Variants in SCARA3 observed in about 807,000 individuals in gnomAD.
The protein encoded by SCARA3 is cellular stress response gene protein.
Under a neutral mutation model 47.0 loss-of-function variants are expected in SCARA3, and 39 were observed. The observed-to-expected ratio is 0.83, with a 90% CI of 0.64 to 1.08. The LOEUF (loss-of-function observed/expected upper bound fraction) is 1.08, where lower values mean the gene tolerates loss of function less well. Ranked by LOEUF, SCARA3 falls within the 50% of genes least tolerant of loss-of-function variation. The pLI is 0.00. For missense variants in SCARA3, 724 were observed against 792.3 expected, an observed-to-expected ratio of 0.91 and a Z score of 1.04; for synonymous variants, 356 against 334.1, an observed-to-expected ratio of 1.07 and a Z score of -0.71.
At chr8:27,692,154 C>G in the SCARA3 span, among the ~76,000 whole-genome samples, 10 of 152,242 alleles carry the variant, frequency 6.6e-5, no homozygotes, top group South Asian at 2.1e-3. Context: ...TAGAACAGGC[C>G]ATGTAAGGTG....
chr8:27,649,515 A>G (rs1801584598), intron 1 of SCARA3, among the ~76,000 whole-genome samples, 187 bp from the exon 2 acceptor site: 1 of 152,212 alleles, frequency 6.6e-6, no homozygotes. Flanking sequence ...GGGGTGGGAC[A>G]TCCCAGCTCC....
intron 1 of SCARA3, among the ~76,000 whole-genome samples, chr8:27,649,346 T>C (rs1026105196): frequency 1.3e-5 from 2 of 152,174 alleles, no homozygotes; most frequent in East Asian, 1.9e-4. Flanking sequence ...TGACCAAGTA[T>C]TGGGGAATAG....
chr8:27,723,106 T>A, the SCARA3 span, among the ~76,000 whole-genome samples: 2 of 152,182 alleles, frequency 1.3e-5, no homozygotes, highest in Non-Finnish European at 2.9e-5. Context: ...CTTGGACAGA[T>A]CCCCAATCAC....
intron 3 of SCARA3, among the ~76,000 whole-genome samples, chr8:27,656,114 T>A (rs958842578): frequency 6.6e-6 from 1 of 152,170 alleles, no homozygotes; most frequent in Non-Finnish European, 1.5e-5. Flanking sequence ...TGGTGTCATC[T>A]CATGTCAGCA....
chr8:27,717,291 T>C, the SCARA3 span, among the ~76,000 whole-genome samples: 3 of 152,188 alleles, frequency 2.0e-5, no homozygotes, highest in African/African-American at 7.2e-5. Flanking sequence ...GATGTGGGTA[T>C]AGCTATAGAT....
the SCARA3 span, among the ~76,000 whole-genome samples, chr8:27,696,701 G>T: frequency 2.0e-5 from 3 of 149,340 alleles, no homozygotes; most frequent in African/African-American, 7.4e-5. Flanking sequence ...TTGTCCTCAA[G>T]TGATCCTCCT....
chr8:27,712,840 T>C, the SCARA3 span, among the ~76,000 whole-genome samples: 1 of 152,018 alleles, frequency 6.6e-6, no homozygotes, highest in African/African-American at 2.4e-5. Context: ...TATAAAAATA[T>C]ACATTTTAAA....
At position 27,671,717 on chromosome 8, in the gene SCARA3, TACACATGCACAC is replaced by T. The variant is rs1394822826; in HGVS notation, c.*380_*391del. ...ACACAGGCACACATGCATGCACACA[TACACATGCACAC>T]ACACATGCACACATATATGCACAGG... On this transcript the variant is annotated 3_prime_UTR_variant, in exon 6 of 6. Coordinates refer to ENST00000301904, the MANE Select transcript of SCARA3 (RefSeq NM_016240.3). 5.7e-5 allele frequency: 59 copies of T among 1,038,566 alleles called. No individual in the cohort carries two copies. The highest frequency in any genetic ancestry group is 5.1e-4 in the South Asian group (11 of 21,730). The allele number at this position is 1,038,566 out of a possible 1,614,324, so 64.3% of individuals were successfully genotyped here. A position where few individuals can be genotyped will look rare whatever the true frequency, so the allele number is the denominator to read the frequency against.
chr8:27,697,836 G>A, the SCARA3 span, among the ~76,000 whole-genome samples: 2 of 152,016 alleles, frequency 1.3e-5, no homozygotes, highest in Admixed American at 6.6e-5. Context: ...TTTGCTACTC[G>A]TTTGCCTTCC....
rs1378249846 is a variant in SCARA3, at chr8:27,672,816, G to C, written c.*1465G>C. ...CACCACCCCCTCCACCGCCCGCAAGGTTAGGGCATAGAGTTGTCTCCTTCC... is the reference window on the plus strand; with the variant it reads ...CACCACCCCCTCCACCGCCCGCAAGCTTAGGGCATAGAGTTGTCTCCTTCC... On this transcript the variant is annotated 3_prime_UTR_variant, in exon 6 of 6. Coordinates refer to ENST00000301904, the MANE Select transcript of SCARA3 (RefSeq NM_016240.3). The C allele has an allele frequency of 4.1e-6, 4 of 985,568 alleles. No individual in the cohort carries two copies. The African/African-American group carries it at 7.0e-5, about 17-fold the overall frequency. The allele number at this position is 985,568 out of a possible 1,614,324, so 61.1% of individuals were successfully genotyped here. A position where few individuals can be genotyped will look rare whatever the true frequency, so the allele number is the denominator to read the frequency against.
chr8:27,700,292 A>G, the SCARA3 span, among the ~76,000 whole-genome samples: 3 of 152,204 alleles, frequency 2.0e-5, no homozygotes, highest in Admixed American at 6.5e-5. Flanking sequence ...CAGGATACAT[A>G]AAGAACTCAT....
intron 1 of SCARA3, among the ~76,000 whole-genome samples, chr8:27,635,531 C>T (rs1412027559): frequency 6.6e-6 from 1 of 152,130 alleles, no homozygotes; most frequent in Admixed American, 6.5e-5. Flanking sequence ...TCACTGCAGC[C>T]TCAAACTTCT....
chr8:27,695,960 T>C, the SCARA3 span, among the ~76,000 whole-genome samples: 1 of 151,676 alleles, frequency 6.6e-6, no homozygotes, highest in Non-Finnish European at 1.5e-5. Context: ...CAAACAAAAA[T>C]TGCACTTATG....
chr8:27,731,330 G>A, the SCARA3 span, among the ~76,000 whole-genome samples: 2 of 151,494 alleles, frequency 1.3e-5, no homozygotes, highest in Non-Finnish European at 2.9e-5. Context: ...GAACTCCTGC[G>A]TTCAAGTAAT....
In SCARA3 at chr8:27,671,658, GCACACACACATGCA is replaced by G; in HGVS notation, c.*312_*325del. On this transcript the variant is annotated 3_prime_UTR_variant, in exon 6 of 6. Transcript: ENST00000301904. The stretch of plus-strand genomic sequence containing the variant: ...TACATGCATGCACACACACATGCAC[GCACACACACATGCA>G]CACATACACGTGCACACATACACAG... 1 of 1,116,506 alleles carries G rather than the reference GCACACACACATGCA, an allele frequency of 9.0e-7. No homozygotes were observed. The allele number at this position is 1,116,506 out of a possible 1,614,324, so 69.2% of individuals were successfully genotyped here. A position where few individuals can be genotyped will look rare whatever the true frequency, so the allele number is the denominator to read the frequency against.
chr8:27,672,653 T>C lies in SCARA3; in HGVS notation c.*1302T>C. ...CCTGGACACTCACAGAGGCCCCCTC[T>C]GTCATCACTCCTTGGCACCCACCAA... is the stretch of plus-strand genomic sequence containing the variant. On this transcript the variant is annotated 3_prime_UTR_variant, in exon 6 of 6. Transcript: ENST00000301904. 1 of 985,466 alleles carries C rather than the reference T, an allele frequency of 1.0e-6. No individual in the cohort carries two copies. 61.0% of individuals were successfully genotyped at this position (985,466 alleles called of 1,614,324 possible).
At chr8:27,685,862 T>TG in the SCARA3 span, among the ~76,000 whole-genome samples, 1 of 129,994 alleles carries the variant, frequency 7.7e-6, no homozygotes, top group Non-Finnish European at 1.7e-5. Context: ...TTTTTATGAC[T>TG]GGGGAGGTGC....
the SCARA3 span, among the ~76,000 whole-genome samples, chr8:27,726,303 G>A: frequency 1.3e-5 from 2 of 152,220 alleles, no homozygotes; most frequent in African/African-American, 4.8e-5. Context: ...CTACTCAGGA[G>A]GCTGAGGTGG....
At chr8:27,684,085 T>C in the SCARA3 span, among the ~76,000 whole-genome samples, 50 of 152,204 alleles carry the variant, frequency 3.3e-4, no homozygotes, top group Non-Finnish European at 8.8e-5. Context: ...CATATGTTTT[T>C]GCTGTCATGA....
Sources: gnomAD v4.1 joint callset for allele counts (sites outside exome capture counted in the v4.1 genomes callset) on GRCh38, gnomAD v4.1.1 for gene constraint, MANE v1.5 for transcripts, NCBI Gene and HGNC (gene_info 2026-07-23, HGNC 2026-07-21) for gene names.